The following TRIM24 variants were observed in gnomAD, a reference collection of about 807,000 sequenced individuals.
TRIM24 encodes tripartite motif containing 24.
TRIM24 carries 29 observed loss-of-function variants against 123.9 expected under a neutral mutation model. The ratio of observed to expected loss-of-function variants is 0.23; its 90% CI spans 0.17 to 0.32. The LOEUF is 0.32. Ranked by LOEUF, TRIM24 falls within the 10% of genes least tolerant of loss-of-function variation. TRIM24 has a pLI of 1.00. For missense variants in TRIM24, 932 were observed against 1,295.3 expected (o/e 0.72, Z 4.31); for synonymous variants, 456 against 461.1 (o/e 0.99, Z 0.14).
chr7:138,562,354 A>G (rs1356788675), intron 9 of TRIM24, among the ~76,000 whole-genome samples: 3 of 152,188 alleles, frequency 2.0e-5, no homozygotes, highest in African/African-American at 7.2e-5. Context: ...TTTCAGGTCT[A>G]GGCAAGTAAA....
At chr7:138,498,888 C>T (rs1392500129) in intron 1 of TRIM24, among the ~76,000 whole-genome samples, 1 of 152,110 alleles carries the variant, frequency 6.6e-6, no homozygotes, top group Non-Finnish European at 1.5e-5. Context: ...CCTGCCTTGG[C>T]CTCCCAAAGT....
intron 6 of TRIM24, among the ~76,000 whole-genome samples, chr7:138,530,925 G>A (rs531331065): frequency 6.6e-6 from 1 of 151,962 alleles, no homozygotes; most frequent in East Asian, 1.9e-4. Context: ...TTTTATTTTT[G>A]TAGAGATGAA....
At chr7:138,537,055 C>G (rs1796893390) in intron 6 of TRIM24, among the ~76,000 whole-genome samples, 1 of 152,060 alleles carries the variant, frequency 6.6e-6, no homozygotes, top group South Asian at 2.1e-4. Flanking sequence ...TTTGCTAAGT[C>G]CGTTGGAAAA....
At chr7:138,465,615 A>C (rs1795118612) in intron 1 of TRIM24, among the ~76,000 whole-genome samples, 1 of 152,248 alleles carries the variant, frequency 6.6e-6, no homozygotes, top group South Asian at 2.1e-4. Context: ...TATACAAGAT[A>C]CGTAACTATT....
intron 1 of TRIM24, among the ~76,000 whole-genome samples, chr7:138,463,922 T>A (rs945523222): frequency 7.3e-5 from 11 of 151,562 alleles, no homozygotes; most frequent in African/African-American, 2.7e-4. Flanking sequence ...CTTAGTGACT[T>A]GGGTATTTTG....
intron 1 of TRIM24, among the ~76,000 whole-genome samples, chr7:138,468,296 G>A (rs547075413): frequency 3.3e-5 from 5 of 152,164 alleles, no homozygotes; most frequent in African/African-American, 4.8e-5. Context: ...TATGAATTAC[G>A]TTGATTTTTA....
chr7:138,567,592 C>G lies in TRIM24; in HGVS notation c.1642C>G (p.Arg548Gly), dbSNP rs1797561538. The G allele has an allele frequency of 1.2e-6, 2 of 1,613,658 alleles. No homozygotes were observed. The highest frequency in any genetic ancestry group is 1.7e-6 in the Non-Finnish European group (2 of 1,179,878). Residue 548 changes from arginine (R) to glycine (G), a missense_variant, in exon 10 of 19, where the codon CGA (arginine) becomes GGA (glycine). This residue lies in a region of TRIM24 where 527 missense variants were observed against 691.3 expected (regional missense o/e 0.76). Transcript: ENST00000343526. ...ATATCCACCAAACCAGAACATACCA[C>G]GACAAGCAATAAAGCCAAACCCCCT... ...LRYPPNQNIP[R>G]QAIKPNPLQM...
chr7:138,571,705 G>T (rs1266322759), intron 11 of TRIM24, among the ~76,000 whole-genome samples: 1 of 152,140 alleles, frequency 6.6e-6, no homozygotes, highest in Non-Finnish European at 1.5e-5. Flanking sequence ...TTGTCAGTAT[G>T]ACTTTTTGTT....
chr7:138,478,185 A>AT (rs1795444740), intron 1 of TRIM24, among the ~76,000 whole-genome samples: 1 of 152,182 alleles, frequency 6.6e-6, no homozygotes, highest in Admixed American at 6.5e-5. Context: ...GGAGGGAAAG[A>AT]TTTTTTGATG....
chr7:138,505,486 T>G (rs975908366), intron 2 of TRIM24, among the ~76,000 whole-genome samples: 3 of 151,362 alleles, frequency 2.0e-5, no homozygotes, highest in South Asian at 2.1e-4. Flanking sequence ...CTTTGAAAGC[T>G]TCATTTGTTT....
chr7:138,460,447 C>T lies in TRIM24; in HGVS notation c.-102C>T, dbSNP rs1013473329. 1.7e-6 allele frequency: 2 copies of T among 1,185,668 alleles called. No individual in the cohort carries two copies. Among genetic ancestry groups the T allele is most frequent in the South Asian group, 7.7e-5 (2 of 25,996 alleles). The allele number at this position is 1,185,668 out of a possible 1,614,324, so 73.4% of individuals were successfully genotyped here. On this transcript the variant is annotated 5_prime_UTR_variant, in exon 1 of 19. Transcript: ENST00000343526. ...CTCGCTGGCGCTGCCGCGAGTCCAC[C>T]GAGCGGCCTCTGAGGAGCAGCCGCA...
chr7:138,517,188 T>C (rs1306588783), intron 3 of TRIM24, among the ~76,000 whole-genome samples: 1 of 152,140 alleles, frequency 6.6e-6, no homozygotes, highest in Non-Finnish European at 1.5e-5. Flanking sequence ...ATTCTTGTGA[T>C]ATATTGGCTG....
chr7:138,565,697 G>T (rs996055679), intron 9 of TRIM24, among the ~76,000 whole-genome samples: 3 of 152,198 alleles, frequency 2.0e-5, no homozygotes, highest in African/African-American at 7.2e-5. Flanking sequence ...ACATCCAAAG[G>T]CTAGGCCCTG....
At chr7:138,520,354 G>T (rs139963750) in intron 4 of TRIM24, among the ~76,000 whole-genome samples, 1 of 152,194 alleles carries the variant, frequency 6.6e-6, no homozygotes, top group Non-Finnish European at 1.5e-5. Flanking sequence ...AAATCATATC[G>T]CTGGCTCCTC....
chr7:138,511,471 G>A (rs144780420), intron 2 of TRIM24, among the ~76,000 whole-genome samples: 94 of 152,088 alleles, frequency 6.2e-4, no homozygotes, highest in African/African-American at 2.1e-3. Flanking sequence ...TGTATTTTTA[G>A]TAGAAACGGG....
intron 1 of TRIM24, among the ~76,000 whole-genome samples, chr7:138,471,144 A>G (rs1401802025): frequency 1.3e-5 from 2 of 152,256 alleles, no homozygotes; most frequent in African/African-American, 2.4e-5. Context: ...ATGATGGACC[A>G]TGCATTAAGT....
At chr7:138,461,705 A>G (rs972685719) in intron 1 of TRIM24, among the ~76,000 whole-genome samples, 1 of 152,252 alleles carries the variant, frequency 6.6e-6, no homozygotes, top group African/African-American at 2.4e-5. Flanking sequence ...GGTTTGAAAC[A>G]TTTAAAGTAA....
At chr7:138,505,472 C>G (rs139751249) in intron 2 of TRIM24, among the ~76,000 whole-genome samples, 12 of 152,038 alleles carry the variant, frequency 7.9e-5, no homozygotes, top group African/African-American at 2.7e-4. Flanking sequence ...TCTGCATGGT[C>G]TTACTTTGAA....
chr7:138,518,414 A>G (rs1337829468), intron 3 of TRIM24, among the ~76,000 whole-genome samples: 1 of 152,208 alleles, frequency 6.6e-6, no homozygotes, highest in Admixed American at 6.5e-5. Flanking sequence ...AATTATTAGT[A>G]AGATAACTGC....
Sources: gnomAD v4.1 joint callset for allele counts (sites outside exome capture counted in the v4.1 genomes callset) on GRCh38, gnomAD v4.1.1 for gene constraint, gnomAD v4.1.1 regional missense constraint, MANE v1.5 for transcripts, NCBI Gene and HGNC (gene_info 2026-07-23, HGNC 2026-07-21) for gene names.